The following TBX1 variants were observed in gnomAD, a reference collection of about 807,000 sequenced individuals.
TBX1 encodes the protein T-box transcription factor 1.
A neutral mutation model predicts 40.8 loss-of-function variants in TBX1; 16 were observed. The observed-to-expected ratio is 0.39, with a 90% CI of 0.27 to 0.60. The LOEUF is 0.60. Among genes scored for constraint, TBX1 ranks in the 20% least tolerant of loss-of-function variants. The pLI is 0.51. For synonymous variants in TBX1, 403 were observed against 336.8 expected (o/e 1.20, Z -2.15); for missense variants, 755 against 728.5 (o/e 1.04, Z -0.42).
upstream of TBX1, among the ~76,000 whole-genome samples, chr22:19,760,582 C>G (rs937463164): frequency 7.4e-6 from 1 of 135,176 alleles, no homozygotes; most frequent in Non-Finnish European, 1.6e-5. Context: ...CCGGGCCGAG[C>G]GAGCCGCGGC....
At position 19,775,338 on chromosome 22, in the gene TBX1, G is replaced by A. The variant is rs570539564; in HGVS notation, c.1010-3882G>A. Among the ~76,000 whole-genome samples the A allele has an allele frequency of 2.0e-5, 3 of 149,590 alleles. No homozygotes were observed. In the East Asian group the frequency reaches 6.0e-4, roughly 30 times the overall value. ...TCGAACTCCTGACCTCAGGTGATCC[G>A]CCCACCTCAGCCTCCCAAAGTGCTG... On this transcript the variant is annotated intron_variant, in intron 8 of 8. Coordinates refer to the TBX1 transcript ENST00000329705.
At chr22:19,776,783 A>C (rs1055452717) in intron 8 of TBX1, among the ~76,000 whole-genome samples, 22 of 152,334 alleles carry the variant, frequency 1.4e-4, no homozygotes, top group African/African-American at 5.3e-4. Context: ...CAATGAGTGG[A>C]TGAAAAGCAG....
chr22:19,763,428 C>A, intron 2 of TBX1, 86 bp downstream of exon 2: 1 of 1,266,118 alleles, frequency 7.9e-7, no homozygotes, highest in South Asian at 1.2e-5. Flanking sequence ...CTCCAAGGGT[C>A]GTCTGCACCA....
At chr22:19,775,655 G>A (rs941352546) in intron 8 of TBX1, among the ~76,000 whole-genome samples, 3 of 152,160 alleles carry the variant, frequency 2.0e-5, no homozygotes, top group East Asian at 1.9e-4. Context: ...CCACAGGTCC[G>A]GAGCCATGGG....
At chr22:19,765,727 C>T in intron 4 of TBX1, 31 bp from the exon 5 acceptor site, 2 of 1,610,174 alleles carry the variant, frequency 1.2e-6, no homozygotes, top group Non-Finnish European at 1.7e-6. Context: ...TGCAGGGCTC[C>T]AGCGGCTTGC....
intron 8 of TBX1, among the ~76,000 whole-genome samples, chr22:19,774,877 G>C (rs1006067200): frequency 7.0e-6 from 1 of 143,254 alleles, no homozygotes; most frequent in African/African-American, 2.7e-5. Context: ...CGTTCATCTG[G>C]AGGTGGACGC....
downstream of TBX1, among the ~76,000 whole-genome samples, chr22:19,772,072 C>T (rs1936998626): frequency 6.6e-6 from 1 of 152,240 alleles, no homozygotes; most frequent in Admixed American, 6.5e-5. Flanking sequence ...CTTCATTCCT[C>T]TGTCATTCTA....
At chr22:19,759,726 C>T (rs1239750600), upstream of TBX1, 1 of 1,604,442 alleles carries the variant, frequency 6.2e-7, no homozygotes, top group South Asian at 1.1e-5. Flanking sequence ...AGACCCCCTG[C>T]CTCAGCTGCT....
intron 4 of TBX1, 133 bp from the exon 5 acceptor site, chr22:19,765,625 C>A: frequency 1.0e-6 from 1 of 961,028 alleles, no homozygotes; most frequent in Non-Finnish European, 1.6e-6. Flanking sequence ...GAGGGGCAGA[C>A]GTGGACTGGT....
chr22:19,765,214 C>A, intron 4 of TBX1, 101 bp downstream of exon 4: 1 of 1,559,866 alleles, frequency 6.4e-7, no homozygotes, highest in East Asian at 2.3e-5. Context: ...CTTAGACCTG[C>A]AGGCTGTGGT....
intron 2 of TBX1, 173 bp downstream of exon 2, chr22:19,763,515 A>G: frequency 1.6e-6 from 1 of 639,836 alleles, no homozygotes; most frequent in Non-Finnish European, 2.8e-6. Flanking sequence ...CCAGACCCAC[A>G]ACCCTACTCC....
Position 19,767,124 on chromosome 22 carries a change from G to A in TBX1, c.*257G>A. 2 of 1,245,554 alleles carry A rather than the reference G, an allele frequency of 1.6e-6. No homozygotes were observed. Among genetic ancestry groups the A allele is most frequent in the Non-Finnish European group, 2.0e-6 (2 of 996,014 alleles). The allele number at this position is 1,245,554 out of a possible 1,614,324, so 77.2% of individuals were successfully genotyped here. ...GGCCCCGAGGGCCAAGGGGGTCCCC[G>A]CCCGCCAGTGCCAAAGCGCCCGGTC... On this transcript the variant is annotated 3_prime_UTR_variant, in exon 7 of 7. Coordinates refer to ENST00000649276, the MANE Select transcript of TBX1 (RefSeq NM_001379200.1).
intron 8 of TBX1, among the ~76,000 whole-genome samples, chr22:19,776,205 TCCGTGTCTGC>T (rs1937062567): frequency 6.6e-6 from 1 of 152,110 alleles, no homozygotes; most frequent in South Asian, 2.1e-4. Flanking sequence ...TGCTCGTGGC[TCCGTGTCTGC>T]CCGTGGTCTC....
In TBX1 at chr22:19,760,813, T is replaced by TGGCGGG. The variant is rs1361399234; in HGVS notation, c.-25_-20dup. The TGGCGGG allele has an allele frequency of 2.9e-6, 2 of 687,620 alleles. No homozygotes were observed. Among genetic ancestry groups the TGGCGGG allele is most frequent in the South Asian group, 1.3e-4 (2 of 15,994 alleles). The allele number at this position is 687,620 out of a possible 1,614,324, so 42.6% of individuals were successfully genotyped here. A position where few individuals can be genotyped will look rare whatever the true frequency, so the allele number is the denominator to read the frequency against. ...CGGCGCGGGGCAGCGCTCAGCTTGG[T>TGGCGGG]GGCGGGGGCGGCGGCGGCGGCCCGC... On this transcript the variant is annotated 5_prime_UTR_variant, in exon 1 of 7. Transcript: ENST00000649276.
At chr22:19,765,625 C>G (rs1195135757) in intron 4 of TBX1, 133 bp from the exon 5 acceptor site, 1 of 961,028 alleles carries the variant, frequency 1.0e-6, no homozygotes, top group Non-Finnish European at 1.6e-6. Flanking sequence ...GAGGGGCAGA[C>G]GTGGACTGGT....
At position 19,766,413 on chromosome 22, in the gene TBX1, TC is replaced by T; in HGVS notation, c.1063del (p.Gln355SerfsTer24). ...EKDAAEARRE[F>X]QRDAGGPAVL... ...GACGCGGCTGAGGCCCGGCGAGAAT[TC>T]CAGCGCGACGCGGGCGGGCCAGCAG... is the stretch of plus-strand genomic sequence containing the variant. On this transcript the variant is annotated frameshift_variant, in exon 7 of 7. Coordinates refer to ENST00000649276, the MANE Select transcript of TBX1 (RefSeq NM_001379200.1). LOFTEE classifies it high-confidence loss of function. The T allele has an allele frequency of 7.4e-7, 1 of 1,342,828 alleles. No individual in the cohort carries two copies. The highest frequency in any genetic ancestry group is 1.7e-5 in the South Asian group (1 of 57,202). 83.2% of individuals were successfully genotyped at this position (1,342,828 alleles called of 1,614,324 possible).
intron 8 of TBX1, among the ~76,000 whole-genome samples, chr22:19,776,105 C>T (rs1395787140): frequency 2.6e-5 from 4 of 152,132 alleles, no homozygotes; most frequent in Admixed American, 2.6e-4. Context: ...CCCATGGCTG[C>T]TAGTGCCCCT....
At position 19,767,170 on chromosome 22, in the gene TBX1, T is replaced by C. The variant is rs1168343385; in HGVS notation, c.*303T>C. 8.6e-7 allele frequency: 1 copy of C among 1,164,026 alleles called. No homozygotes were observed. Among genetic ancestry groups the C allele is most frequent in the Non-Finnish European group, 1.1e-6 (1 of 943,032 alleles). 72.1% of individuals were successfully genotyped at this position (1,164,026 alleles called of 1,614,324 possible). A position where few individuals can be genotyped will look rare whatever the true frequency, so the allele number is the denominator to read the frequency against. Reference sequence around the variant, plus strand: ...CGGTCGGAGGCGGAAGGAAGTGATATTTATTGTTCTCCCCGAGACCGCGTC... The same window carrying C: ...CGGTCGGAGGCGGAAGGAAGTGATACTTATTGTTCTCCCCGAGACCGCGTC... On this transcript the variant is annotated 3_prime_UTR_variant, in exon 7 of 7. Transcript: ENST00000649276.
chr22:19,774,103 C>A (rs41297784), intron 8 of TBX1, among the ~76,000 whole-genome samples: 15 of 152,196 alleles, frequency 9.9e-5, no homozygotes, highest in Non-Finnish European at 5.9e-5. Flanking sequence ...GAAAACAACA[C>A]GTGTTGGTGA....
Sources: gnomAD v4.1 joint callset for allele counts (sites outside exome capture counted in the v4.1 genomes callset) on GRCh38, gnomAD v4.1.1 for gene constraint, MANE v1.5 for transcripts, NCBI Gene and HGNC (gene_info 2026-07-23, HGNC 2026-07-21) for gene names.